The following HSD17B12 variants were observed in gnomAD, a reference collection of about 807,000 sequenced individuals.
HSD17B12 encodes hydroxysteroid 17-beta dehydrogenase 12.
In HSD17B12, 32 loss-of-function variants were observed where a neutral mutation model predicts 39.3. The observed-to-expected ratio is 0.81, with a 90% CI of 0.61 to 1.09. The LOEUF (loss-of-function observed/expected upper bound fraction) is 1.09. Ranked by LOEUF, HSD17B12 falls within the 50% of genes least tolerant of loss-of-function variation. HSD17B12 has a pLI of 0.00. For missense variants in HSD17B12, 342 were observed against 382.9 expected (o/e 0.89, Z 0.89); for synonymous variants, 150 against 146.7 (o/e 1.02, Z -0.16).
the HSD17B12 span, among the ~76,000 whole-genome samples, chr11:43,582,540 G>A: frequency 5.9e-5 from 9 of 152,330 alleles, no homozygotes; most frequent in Non-Finnish European, 1.0e-4. Context: ...TGCCCACAGG[G>A]ACAGAAATGG....
the HSD17B12 span, among the ~76,000 whole-genome samples, chr11:43,587,645 C>T: frequency 6.6e-6 from 1 of 152,188 alleles, no homozygotes; most frequent in African/African-American, 2.4e-5. Flanking sequence ...GAGCTGAGGA[C>T]AGAAACAGAT....
At chr11:43,675,673 C>G in the HSD17B12 span, among the ~76,000 whole-genome samples, 1 of 151,568 alleles carries the variant, frequency 6.6e-6, no homozygotes, top group African/African-American at 2.4e-5. Context: ...TTTAGGGAGA[C>G]CAGTTAGGAG....
intron 9 of HSD17B12, among the ~76,000 whole-genome samples, chr11:43,849,543 C>T (rs533768048): frequency 1.3e-5 from 2 of 152,312 alleles, no homozygotes; most frequent in Admixed American, 6.5e-5. Flanking sequence ...TTCCTTCAGT[C>T]TCAAAGGCTC....
At chr11:43,557,684 C>T in the HSD17B12 span, among the ~76,000 whole-genome samples, 7 of 152,084 alleles carry the variant, frequency 4.6e-5, no homozygotes, top group Admixed American at 6.6e-5. Context: ...AGAGGAAAAC[C>T]GCCTGAAAAG....
chr11:43,689,126 A>G (rs575864000), intron 1 of HSD17B12, among the ~76,000 whole-genome samples: 2 of 152,202 alleles, frequency 1.3e-5, no homozygotes, highest in South Asian at 4.1e-4. Context: ...GTTCCTTTAT[A>G]TATAGATCCC....
At chr11:43,657,430 T>C in the HSD17B12 span, among the ~76,000 whole-genome samples, 3 of 152,250 alleles carry the variant, frequency 2.0e-5, no homozygotes, top group African/African-American at 7.2e-5. Flanking sequence ...ATGTGTGAAT[T>C]TGATCCTGTC....
chr11:43,691,540 C>T (rs987937384), intron 1 of HSD17B12, among the ~76,000 whole-genome samples: 12 of 152,156 alleles, frequency 7.9e-5, no homozygotes, highest in East Asian at 1.9e-4. Context: ...CGCATCCATA[C>T]CTTCCTCTAT....
At chr11:43,619,464 A>G in the HSD17B12 span, among the ~76,000 whole-genome samples, 1 of 147,966 alleles carries the variant, frequency 6.8e-6, no homozygotes, top group Non-Finnish European at 1.5e-5. Flanking sequence ...ATCTTGGCTC[A>G]CTGAAACATC....
At chr11:43,561,936 A>T in the HSD17B12 span, among the ~76,000 whole-genome samples, 1 of 152,150 alleles carries the variant, frequency 6.6e-6, no homozygotes, top group Admixed American at 6.5e-5. Flanking sequence ...AGTATGTCTC[A>T]TTATTGTGGC....
the HSD17B12 span, chr11:43,673,462 TTTTTCTTTTCTTTTC>T: frequency 3.3e-5 from 4 of 120,128 alleles, no homozygotes; most frequent in African/African-American, 1.2e-4. Flanking sequence ...TCCTTTAGTC[TTTTTCTTTTCTTTTC>T]TTTTCTTTTC....
the HSD17B12 span, among the ~76,000 whole-genome samples, chr11:43,571,916 G>A: frequency 6.6e-6 from 1 of 152,290 alleles, no homozygotes; most frequent in Admixed American, 6.5e-5. Flanking sequence ...GCATGCTGTG[G>A]CCTATCTACC....
the HSD17B12 span, among the ~76,000 whole-genome samples, chr11:43,560,518 C>T: frequency 2.0e-5 from 3 of 152,190 alleles, no homozygotes; most frequent in Admixed American, 6.5e-5. Flanking sequence ...AAACAGAAAG[C>T]ATGACCTCTG....
chr11:43,617,218 G>A, the HSD17B12 span, among the ~76,000 whole-genome samples: 2 of 152,166 alleles, frequency 1.3e-5, no homozygotes, highest in Admixed American at 1.3e-4. Context: ...GAGTGACTCA[G>A]GGAGATTTTT....
chr11:43,651,771 G>T, the HSD17B12 span, among the ~76,000 whole-genome samples: 36 of 152,182 alleles, frequency 2.4e-4, no homozygotes, highest in African/African-American at 7.9e-4. Flanking sequence ...TAGAGACAGG[G>T]TTTCACCACG....
At chr11:43,609,215 C>T in the HSD17B12 span, among the ~76,000 whole-genome samples, 2 of 151,816 alleles carry the variant, frequency 1.3e-5, no homozygotes, top group African/African-American at 4.8e-5. Flanking sequence ...GCTAGAATTA[C>T]AGGCATGAGC....
chr11:43,756,360 A>G (rs376246977), intron 3 of HSD17B12, among the ~76,000 whole-genome samples: 23 of 152,244 alleles, frequency 1.5e-4, no homozygotes, highest in African/African-American at 5.5e-4. Context: ...GCAACCCCAA[A>G]GGGCCAAGAT....
rs190920642 is a variant in HSD17B12, at chr11:43,822,449, A to G, written c.501+6058A>G. 8.1e-3 allele frequency among the ~76,000 whole-genome samples: 1,238 copies of G among 152,278 alleles called. 14 individuals carry two copies. The highest frequency in any genetic ancestry group is 0.029 in the African/African-American group (1,208 of 41,554). On this transcript the variant is annotated intron_variant, in intron 6 of 10. Transcript: ENST00000278353. ...CTGCACCCATTAACTCGTCATTTAC[A>G]TTAGGTATATCTCCTAATGCTATCC...
chr11:43,791,722 G>A (rs1950869684), intron 3 of HSD17B12, among the ~76,000 whole-genome samples: 1 of 152,148 alleles, frequency 6.6e-6, no homozygotes, highest in African/African-American at 2.4e-5. Context: ...AGAACCCAGA[G>A]CTTTCAAAAG....
At chr11:43,703,559 T>C (rs1949987057) in intron 1 of HSD17B12, among the ~76,000 whole-genome samples, 2 of 152,220 alleles carry the variant, frequency 1.3e-5, no homozygotes. Flanking sequence ...GGCTTTTCTT[T>C]AGTGGGAGAC....
Sources: gnomAD v4.1 joint callset for allele counts (sites outside exome capture counted in the v4.1 genomes callset) on GRCh38, gnomAD v4.1.1 for gene constraint, MANE v1.5 for transcripts, NCBI Gene and HGNC (gene_info 2026-07-23, HGNC 2026-07-21) for gene names.